ZNF14: variants seen among roughly 807,000 people sequenced by gnomAD.
ZNF14 encodes the protein zinc finger protein 14, also known as gonadotropin inducible transcription repressor-4.
Under a neutral mutation model 11.3 loss-of-function variants are expected in ZNF14, and 9 were observed. That is an observed-to-expected ratio of 0.80 (90% CI 0.48 to 1.39). The LOEUF is 1.39. Among genes scored for constraint, ZNF14 ranks in the 40% most tolerant of loss-of-function variants. ZNF14 has a pLI of 0.00. For missense variants in ZNF14, 711 were observed against 763.9 expected, an observed-to-expected ratio of 0.93 and a Z score of 0.82; for synonymous variants, 239 against 245.7, an observed-to-expected ratio of 0.97 and a Z score of 0.25.
intron 3 of ZNF14, among the ~76,000 whole-genome samples, chr19:19,713,293 T>C (rs754510014): frequency 2.0e-5 from 3 of 152,146 alleles, no homozygotes; most frequent in African/African-American, 2.4e-5. Context: ...TTTGTTGTTG[T>C]TGTTTAAATA....
At chr19:19,716,357 C>T (rs1257590979) in intron 1 of ZNF14, among the ~76,000 whole-genome samples, 1 of 152,162 alleles carries the variant, frequency 6.6e-6, no homozygotes, top group Non-Finnish European at 1.5e-5. Context: ...AGCGTGATCT[C>T]GGCTCACTGC....
chr19:19,714,026 T>C, intron 3 of ZNF14, 65 bp downstream of exon 3: 1 of 1,442,176 alleles, frequency 6.9e-7, no homozygotes, highest in Non-Finnish European at 9.6e-7. Flanking sequence ...CTGTGCTTAA[T>C]TGTTTTGCTT....
At position 19,732,808 on chromosome 19, in the gene ZNF14, T is replaced by A. The variant is rs928737702; in HGVS notation, c.3+148A>T. On this transcript the variant is annotated intron_variant, in intron 1 of 3. Transcript: ENST00000344099. ...TGGGGCTCCCGGCTGCGGGTCCAGC[T>A]CCCACAGAGAGGACCGAGGGCCGAA... 4 of 1,055,678 alleles carry A rather than the reference T, an allele frequency of 3.8e-6. No individual in the cohort carries two copies. In the African/African-American group the frequency reaches 6.5e-5, roughly 17 times the overall value. The allele number at this position is 1,055,678 out of a possible 1,614,324, so 65.4% of individuals were successfully genotyped here.
Position 19,711,394 on chromosome 19 carries a change from G to A in ZNF14, c.1887C>T (p.His629=), listed in dbSNP as rs1236788274. 12 of 1,588,886 alleles carry A rather than the reference G, an allele frequency of 7.6e-6. No homozygotes were observed. The South Asian group carries it at 1.4e-4, about 18-fold the overall frequency. Reference sequence around the variant, plus strand: ...TATGAGTCCTTTCATGCAGTCGAAAGTGACTGGAAGAAATGAAGGCTTTTC... The same window carrying A: ...TATGAGTCCTTTCATGCAGTCGAAAATGACTGGAAGAAATGAAGGCTTTTC... The part of the protein sequence containing the change: ...QCGKAFISSS[H]FRLHERTHMG... Residue 629 remains histidine (H), a synonymous_variant, in exon 4 of 4, where the codon CAC becomes CAT. Transcript: ENST00000344099.
At position 19,711,516 on chromosome 19, in the gene ZNF14, A is replaced by T; in HGVS notation, c.1765T>A (p.Cys589Ser). 1 of 1,613,908 alleles carries T rather than the reference A, an allele frequency of 6.2e-7. No individual in the cohort carries two copies. Among genetic ancestry groups the T allele is most frequent in the Non-Finnish European group, 8.5e-7 (1 of 1,179,920 alleles). The change falls in exon 4 of 4, where the codon TGT (cysteine) becomes AGT (serine). Residue 589 changes from cysteine (C) to serine (S), a missense_variant. Physicochemically the swap from Cys to Ser is moderately radical, Grantham distance 112. Transcript: ENST00000344099. ...RTHTGEKPYRCKQCGKAFRFS... is the reference protein window; with the variant it reads ...RTHTGEKPYRSKQCGKAFRFS... ...CTGAAGGCTTTCCCACATTGTTTAC[A>T]TCGATAGGGTTTCTCTCCCGTGTGA...
chr19:19,730,977 T>G (rs774898618), intron 1 of ZNF14, among the ~76,000 whole-genome samples: 1 of 152,068 alleles, frequency 6.6e-6, no homozygotes, highest in Admixed American at 6.6e-5. Context: ...TACAAAACAC[T>G]GGCATAAAGC....
At position 19,711,736 on chromosome 19, in the gene ZNF14, T is replaced by C; in HGVS notation, c.1545A>G (p.Ser515=). The change falls in exon 4 of 4, where the codon TCA becomes TCG. Residue 515 remains serine (S), a synonymous_variant. Transcript: ENST00000344099. ...TTTTTTCATGTTCTCGAAGGGAACT[T>C]GAAAAACTGAAGGTTTTACCGCATA... The part of the protein sequence containing the change: ...CKLCGKTFSF[S]SSLREHEKIH... 1 of 1,613,988 alleles carries C rather than the reference T, an allele frequency of 6.2e-7. No homozygotes were observed. The highest frequency in any genetic ancestry group is 8.5e-7 in the Non-Finnish European group (1 of 1,179,978).
At chr19:19,730,715 C>T (rs1318718095) in intron 1 of ZNF14, among the ~76,000 whole-genome samples, 4 of 152,026 alleles carry the variant, frequency 2.6e-5, no homozygotes, top group Non-Finnish European at 5.9e-5. Context: ...GAGTTCGAGA[C>T]CAGCTTGATT....
rs546112716 is a variant in ZNF14 at position 19,711,518 on chromosome 19, C to T, written c.1763G>A (p.Arg588Gln). 46 of 1,599,982 alleles carry T rather than the reference C, an allele frequency of 2.9e-5. No individual in the cohort carries two copies. The highest frequency in any genetic ancestry group is 4.1e-5 in the African/African-American group (3 of 73,798). ...GAAGGCTTTCCCACATTGTTTACATCGATAGGGTTTCTCTCCCGTGTGAGT... is the reference window on the plus strand; with the variant it reads ...GAAGGCTTTCCCACATTGTTTACATTGATAGGGTTTCTCTCCCGTGTGAGT... ...ERTHTGEKPY[R>Q]CKQCGKAFRF... The change falls in exon 4 of 4, where the codon CGA becomes CAA. Residue 588 changes from arginine to glutamine, a missense_variant. Arg to Gln is a conservative substitution (Grantham distance 43). Coordinates refer to ENST00000344099, the MANE Select transcript of ZNF14 (RefSeq NM_021030.3).
chr19:19,730,406 CTCTA>C (rs919544486), intron 1 of ZNF14, among the ~76,000 whole-genome samples: 14 of 152,168 alleles, frequency 9.2e-5, no homozygotes, highest in African/African-American at 3.4e-4. Context: ...TCATACTCTC[CTCTA>C]TCTCACAGAC....
Position 19,733,027 on chromosome 19 carries a change from C to T in ZNF14, c.-69G>A. The T allele has an allele frequency of 1.9e-6, 3 of 1,593,612 alleles. No homozygotes were observed. Among genetic ancestry groups the T allele is most frequent in the Non-Finnish European group, 2.6e-6 (3 of 1,168,266 alleles). On this transcript the variant is annotated 5_prime_UTR_variant, in exon 1 of 4. Transcript: ENST00000344099. ...TCAGTACCTGCAGGTCACGGCGCGA[C>T]AAAGGATGCGCTAGAGCCACCTTCG...
At position 19,724,832 on chromosome 19, in the gene ZNF14, G is replaced by A. The variant is rs1184221990; in HGVS notation, c.3+8124C>T. 1.2e-4 allele frequency among the ~76,000 whole-genome samples: 16 copies of A among 133,292 alleles called. 5 individuals are homozygous for A. Among genetic ancestry groups the A allele is most frequent in the African/African-American group, 3.9e-4 (14 of 36,008 alleles). The allele number at this position is 133,292 out of a possible 152,430, so 87.4% of individuals were successfully genotyped here. ...GTTGAATTGATCCCTTTACCATTAT[G>A]TAATGGCCTTCTTTGTCTCTTTTGA... On this transcript the variant is annotated intron_variant, in intron 1 of 3. Coordinates refer to ENST00000344099, the MANE Select transcript of ZNF14 (RefSeq NM_021030.3).
chr19:19,714,587 C>G, intron 1 of ZNF14, 100 bp from the exon 2 acceptor site: 9 of 1,411,154 alleles, frequency 6.4e-6, no homozygotes, highest in Non-Finnish European at 8.5e-6. Context: ...TCTGTGTTCT[C>G]CAAACATTTG....
chr19:19,728,515 C>CAAAAAA (rs56355771), intron 1 of ZNF14, among the ~76,000 whole-genome samples: 1 of 53,904 alleles, frequency 1.9e-5, no homozygotes, highest in Admixed American at 2.3e-4. Context: ...AACTCCGTCT[C>CAAAAAA]AAAAAAAAAA....
chr19:19,711,461 C>T lies in ZNF14; in HGVS notation c.1820G>A (p.Arg607Lys), dbSNP rs755122924. ...RFSSSVRIHE[R>K]SHTGEKPYEC... is the part of the protein sequence containing the mutation. ...ATAAGGTTTCTCTCCAGTGTGAGAC[C>T]TTTCATGAATTCGAACAGAACTTGA... Residue 607 changes from arginine (R) to lysine (K), a missense_variant, in exon 4 of 4, where the codon AGG (arginine) becomes AAG (lysine). Transcript: ENST00000344099. The T allele has an allele frequency of 6.2e-7, 1 of 1,613,708 alleles. No homozygotes were observed. Among genetic ancestry groups the T allele is most frequent in the Non-Finnish European group, 8.5e-7 (1 of 1,179,900 alleles).
rs2062411437 is a variant in ZNF14, at chr19:19,728,134, A to G, written c.3+4822T>C. On this transcript the variant is annotated intron_variant, in intron 1 of 3. Transcript: ENST00000344099. ...CTTGTCTCAAACAAAACAAAACAAA[A>G]CAAACAAAAAAACACAACAACAAAA... 1.5e-5 allele frequency among the ~76,000 whole-genome samples: 2 copies of G among 132,408 alleles called. 1 individual carries two copies. Among genetic ancestry groups the G allele is most frequent in the Non-Finnish European group, 3.3e-5 (2 of 59,788 alleles). 86.9% of individuals were successfully genotyped at this position (132,408 alleles called of 152,430 possible). A position where few individuals can be genotyped will look rare whatever the true frequency, so the allele number is the denominator to read the frequency against.
chr19:19,730,827 G>A (rs536158554), intron 1 of ZNF14, among the ~76,000 whole-genome samples: 9 of 152,226 alleles, frequency 5.9e-5, no homozygotes, highest in Non-Finnish European at 7.4e-5. Context: ...AAGGAGAATC[G>A]CTTGAACCTG....
Position 19,727,990 on chromosome 19 carries a change from C to T in ZNF14, c.3+4966G>A, listed in dbSNP as rs2062411069. Among the ~76,000 whole-genome samples, 2 of 132,484 alleles carry T rather than the reference C, an allele frequency of 1.5e-5. 1 individual carries two copies. Among genetic ancestry groups the T allele is most frequent in the South Asian group, 5.0e-4 (2 of 4,024 alleles). 86.9% of individuals were successfully genotyped at this position (132,484 alleles called of 152,430 possible). A position where few individuals can be genotyped will look rare whatever the true frequency, so the allele number is the denominator to read the frequency against. On this transcript the variant is annotated intron_variant, in intron 1 of 3. Transcript: ENST00000344099. ...AAATTAGCTGGCATGGTGGCTCATG[C>T]CTATAATCCCAGCCACTCGGGAGGC...
chr19:19,712,137 C>T lies in ZNF14; in HGVS notation c.1144G>A (p.Glu382Lys). 6.2e-7 allele frequency: 1 copy of T among 1,613,938 alleles called. No homozygotes were observed. The highest frequency in any genetic ancestry group is 8.5e-7 in the Non-Finnish European group (1 of 1,180,002). Residue 382 changes from glutamate (E) to lysine (K), a missense_variant, in exon 4 of 4, where the codon GAA becomes AAA. Physicochemically the swap from Glu to Lys is moderately conservative, Grantham distance 56. Coordinates refer to ENST00000344099, the MANE Select transcript of ZNF14 (RefSeq NM_021030.3). ...FSWSISLRLH[E>K]RTHTGEKPYE... ...GGTTTCTCTCCAGTATGAGTTCTTTCATGCAATCGAAGAGAAATGGACCAA... is the reference window on the plus strand; with the variant it reads ...GGTTTCTCTCCAGTATGAGTTCTTTTATGCAATCGAAGAGAAATGGACCAA...
Sources: allele counts gnomAD v4.1 joint callset (sites outside exome capture counted in the v4.1 genomes callset), GRCh38; gene constraint gnomAD v4.1.1; transcripts MANE v1.5; gene names NCBI Gene and HGNC (gene_info 2026-07-23, HGNC 2026-07-21).